The following L1CAM variants were observed in gnomAD, a reference collection of about 807,000 sequenced individuals.
L1CAM encodes the protein L1 cell adhesion molecule, also known as neural cell adhesion molecule L1.
A neutral mutation model predicts 93.0 loss-of-function variants in L1CAM; 8 were observed. The observed-to-expected ratio is 0.09, with a 90% CI of 0.05 to 0.16. The LOEUF (loss-of-function observed/expected upper bound fraction) is 0.16, where lower values mean the gene tolerates loss of function less well. Among genes scored for constraint, L1CAM ranks in the 10% least tolerant of loss-of-function variants. The pLI is 1.00. For synonymous variants in L1CAM, 453 were observed against 453.0 expected (o/e 1.00, Z 0.00); for missense variants, 777 against 1,073.4 (o/e 0.72, Z 3.86).
rs1257461912 is a variant in L1CAM at position 153,864,012 on chromosome X, C to G, written c.3328G>C (p.Val1110Leu). The part of the protein sequence containing the change: ...MAVKTNGTGR[V>L]RLPPAGFATE... ...GCGAAGCCAGCAGGAGGGAGCCTCA[C>G]GCGGCCTGAGGGTGAGACACCAGCC... The change falls in exon 26 of 29, where the codon GTG becomes CTG. Residue 1110 changes from valine (V) to leucine (L), a missense_variant. By Grantham distance (32) the Val-to-Leu change is conservative (BLOSUM62 1). This residue lies in a region of L1CAM where 110 missense variants were observed against 141.7 expected (regional missense o/e 0.78). Transcript: ENST00000370060. The G allele has an allele frequency of 1.7e-6, 2 of 1,212,047 alleles. No individual in the cohort carries two copies. Among genetic ancestry groups the G allele is most frequent in the Non-Finnish European group, 2.2e-6 (2 of 895,452 alleles).
At position 153,876,204 on chromosome X, in the gene L1CAM, C is replaced by T. The variant is rs2064813154; in HGVS notation, c.-108-260G>A. 7.2e-6 allele frequency: 3 copies of T among 414,363 alleles called. No homozygotes were observed. In the East Asian group the frequency reaches 1.2e-4, roughly 17 times the overall value. The allele number at this position is 414,363 out of a possible 1,213,427, so 34.1% of individuals were successfully genotyped here. On this transcript the variant is annotated intron_variant, in intron 1 of 28. Coordinates refer to ENST00000370060, the MANE Select transcript of L1CAM (RefSeq NM_001278116.2). ...CTACTCTCTGTCTGCACCTTTCCTG[C>T]CAGCTGCCTTCCCAGCACCAACTTG... is the stretch of plus-strand genomic sequence containing the variant.
At position 153,867,884 on chromosome X, in the gene L1CAM, C is replaced by A. The variant is rs1442284391; in HGVS notation, c.1855G>T (p.Val619Leu). ...VGSPGPVPRL[V>L]LSDLHLLTQS... ...GTCAGCAGGTGCAGGTCGGACAGCACCAGCCGTGGCACCGGCCCAGGGCTC... is the reference window on the plus strand; with the variant it reads ...GTCAGCAGGTGCAGGTCGGACAGCAACAGCCGTGGCACCGGCCCAGGGCTC... The change falls in exon 16 of 29, where the codon GTG becomes TTG. Residue 619 changes from valine to leucine, a missense_variant. Around this residue, in one of 5 missense-constraint regions of L1CAM, gnomAD observed 574 missense variants for 781.0 expected, o/e 0.73. Transcript: ENST00000370060. 3.3e-6 allele frequency: 4 copies of A among 1,208,851 alleles called. No individual in the cohort carries two copies. The highest frequency in any genetic ancestry group is 1.8e-5 in the African/African-American group (1 of 57,085).
Position 153,865,800 on chromosome X carries a change from C to T in L1CAM, c.2451G>A (p.Glu817=). Residue 817 remains glutamate (E), a synonymous_variant, in exon 20 of 29, where the codon GAG becomes GAA. Coordinates refer to ENST00000370060, the MANE Select transcript of L1CAM (RefSeq NM_001278116.2). The stretch of plus-strand genomic sequence containing the variant: ...AGTTGAGGATTTCAATGCCTTCCAG[C>T]TCAGGGATTGCCTGGGGGTCTGGAA... ...SGEDYPQAIP[E]LEGIEILNSS... is the part of the protein sequence containing the mutation. 8.3e-7 allele frequency: 1 copy of T among 1,206,875 alleles called. No individual in the cohort carries two copies. Among genetic ancestry groups the T allele is most frequent in the Non-Finnish European group, 1.1e-6 (1 of 890,845 alleles).
chrX:153,872,406 C>G, intron 4 of L1CAM, 52 bp from the exon 5 acceptor site: 1 of 1,120,020 alleles, frequency 8.9e-7, no homozygotes. Context: ...CCAACGGGGG[C>G]TGGAACAGGC....
rs782771120 is a variant in L1CAM, at chrX:153,880,450, G to A, written c.-108-4506C>T. On this transcript the variant is annotated intron_variant, in intron 1 of 28. Coordinates refer to ENST00000370060, the MANE Select transcript of L1CAM (RefSeq NM_001278116.2). ...CCTGCCCTTGTCTCCTGGGGACATGGTGCCTGGTGACTCAGTGGGCCAGAG... is the reference window on the plus strand; with the variant it reads ...CCTGCCCTTGTCTCCTGGGGACATGATGCCTGGTGACTCAGTGGGCCAGAG... 5 of 236,100 alleles carry A rather than the reference G, an allele frequency of 2.1e-5. No homozygotes were observed. In the East Asian group the frequency reaches 7.4e-4, roughly 35 times the overall value. The allele number at this position is 236,100 out of a possible 1,213,427, so 19.5% of individuals were successfully genotyped here. A position where few individuals can be genotyped will look rare whatever the true frequency, so the allele number is the denominator to read the frequency against.
In L1CAM at chrX:153,870,134, C is replaced by T. The variant is rs2064754492; in HGVS notation, c.913G>A (p.Glu305Lys). 5.8e-6 allele frequency: 7 copies of T among 1,212,129 alleles called. No individual in the cohort carries two copies. Among genetic ancestry groups the T allele is most frequent in the Non-Finnish European group, 7.8e-6 (7 of 895,504 alleles). The change falls in exon 9 of 29, where the codon GAG becomes AAG. Residue 305 changes from glutamate to lysine, a missense_variant. This residue lies in a region of L1CAM where 574 missense variants were observed against 781.0 expected (regional missense o/e 0.73). Transcript: ENST00000370060. ...KTLQLLKVGE[E>K]DDGEYRCLAE... ...AGGCAGCGGTACTCGCCATCATCCTCCTCGCCCACTTTCAGCAGCTGCAGG... is the reference window on the plus strand; with the variant it reads ...AGGCAGCGGTACTCGCCATCATCCTTCTCGCCCACTTTCAGCAGCTGCAGG...
At chrX:153,885,927 C>T in intron 1 of L1CAM, 138 bp downstream of exon 1, 1 of 815,096 alleles carries the variant, frequency 1.2e-6, no homozygotes, top group Non-Finnish European at 1.5e-6. Context: ...ATGGGTGGGG[C>T]TCCGGCAGCA....
intron 11 of L1CAM, chrX:153,869,188 C>T (rs1014787009): frequency 3.6e-5 from 16 of 449,703 alleles, no homozygotes; most frequent in African/African-American, 3.1e-4. Context: ...CCAGGCCTAA[C>T]TGACAGTCAC....
intron 1 of L1CAM, among the ~76,000 whole-genome samples, chrX:153,880,915 C>T (rs782702753): frequency 2.1e-3 from 230 of 111,971 alleles, no homozygotes; most frequent in Non-Finnish European, 3.6e-3. Context: ...CCTCATCTCG[C>T]CTGAGGCTTC....
chrX:153,866,926 G>T (rs1180269022), intron 18 of L1CAM, 55 bp from the exon 19 acceptor site: 2 of 1,144,459 alleles, frequency 1.7e-6, no homozygotes, highest in Admixed American at 2.2e-5. Flanking sequence ...AGCATTCTTT[G>T]GCCCGCCCCC....
chrX:153,867,021 G>A (rs2064720277), intron 18 of L1CAM, 33 bp downstream of exon 18: 1 of 1,181,389 alleles, frequency 8.5e-7, no homozygotes, highest in Non-Finnish European at 1.2e-6. Context: ...ATGGCCTCAT[G>A]TCCCCCAGGC....
intron 2 of L1CAM, 107 bp from the exon 3 acceptor site, chrX:153,873,349 C>G: frequency 1.2e-6 from 1 of 846,432 alleles, no homozygotes; most frequent in Non-Finnish European, 1.8e-6. Context: ...TGCAGCCCCC[C>G]CGTGGAGAGG....
At chrX:153,869,454 T>C in intron 11 of L1CAM, 66 bp downstream of exon 11, 1 of 1,166,664 alleles carries the variant, frequency 8.6e-7, no homozygotes, top group Non-Finnish European at 1.2e-6. Flanking sequence ...GCCACTCTGG[T>C]GGCCTGGCCC....
At position 153,865,725 on chromosome X, in the gene L1CAM, C is replaced by G; in HGVS notation, c.2526G>C (p.Lys842Asn). ...KWRPVDLAQVKGHLRGYNVTY... is the reference protein window; with the variant it reads ...KWRPVDLAQVNGHLRGYNVTY... ...TTACATTGTATCCGCGGAGGTGGCC[C>G]TTGACCTGGGCCAGGTCCACCGGCC... Residue 842 changes from lysine to asparagine, a missense_variant, in exon 20 of 29, where the codon AAG becomes AAC. Lys to Asn is a moderately conservative substitution (Grantham distance 94). Coordinates refer to ENST00000370060, the MANE Select transcript of L1CAM (RefSeq NM_001278116.2). The G allele has an allele frequency of 8.3e-7, 1 of 1,208,937 alleles. No individual in the cohort carries two copies. Among genetic ancestry groups the G allele is most frequent in the Non-Finnish European group, 1.1e-6 (1 of 892,739 alleles).
Position 153,862,001 on chromosome X carries a change from G to A in L1CAM, c.*662C>T, listed in dbSNP as rs1557088955. ...AGGTAGTGACGGAGGCCACTTGGAT[G>A]TTGTGTGGTGGGTACCGAAGGCAGC... On this transcript the variant is annotated 3_prime_UTR_variant, in exon 29 of 29. Transcript: ENST00000370060. The A allele has an allele frequency of 9.0e-6, 1 of 111,125 alleles. No individual in the cohort carries two copies. Among genetic ancestry groups the A allele is most frequent in the Admixed American group, 9.5e-5 (1 of 10,488 alleles). 9.2% of individuals were successfully genotyped at this position (111,125 alleles called of 1,213,427 possible).
intron 10 of L1CAM, 55 bp downstream of exon 10, chrX:153,869,748 C>A: frequency 8.3e-7 from 1 of 1,206,029 alleles, no homozygotes; most frequent in Non-Finnish European, 1.1e-6. Flanking sequence ...CTTCCTCTCC[C>A]CCACAGCCCC....
chrX:153,880,827 A>G, intron 1 of L1CAM: 1 of 267,216 alleles, frequency 3.7e-6, no homozygotes. Context: ...GTCCTTTATG[A>G]CTGCTGCTTA....
chrX:153,866,813 G>T lies in L1CAM; in HGVS notation c.2267C>A (p.Pro756His), dbSNP rs1268528988. 8.3e-7 allele frequency: 1 copy of T among 1,209,856 alleles called. No individual in the cohort carries two copies. The highest frequency in any genetic ancestry group is 1.1e-6 in the Non-Finnish European group (1 of 895,134). The change falls in exon 19 of 29, where the codon CCT becomes CAT. Residue 756 changes from proline (P) to histidine (H), a missense_variant. Pro to His is a moderately conservative substitution (Grantham distance 77, BLOSUM62 -2). Around this residue, in one of 5 missense-constraint regions of L1CAM, gnomAD observed 574 missense variants for 781.0 expected, o/e 0.73. Transcript: ENST00000370060. ...CTGCCAGGGCCCTCGTGTCCCCTGA[G>T]GGCGCCACTGCACGCGGTACTGAAC... The part of the protein sequence containing the change: ...PQVQYRVQWR[P>H]QGTRGPWQEQ...
intron 1 of L1CAM, chrX:153,885,832 T>A (rs1557096874): frequency 6.0e-6 from 1 of 165,792 alleles, no homozygotes; most frequent in Non-Finnish European, 7.4e-6. Context: ...CCCCGCAGGT[T>A]ACCCCTCACC....
Sources: gnomAD v4.1 joint callset for allele counts (sites outside exome capture counted in the v4.1 genomes callset) on GRCh38, gnomAD v4.1.1 for gene constraint, gnomAD v4.1.1 regional missense constraint, MANE v1.5 for transcripts, NCBI Gene and HGNC (gene_info 2026-07-23, HGNC 2026-07-21) for gene names.